Variants in C3orf20 observed in about 807,000 individuals in gnomAD.
C3orf20 encodes the protein family with sequence similarity 149 member C.
Under a neutral mutation model 88.3 loss-of-function variants are expected in C3orf20, and 76 were observed. The ratio of observed to expected loss-of-function variants is 0.86; its 90% confidence interval spans 0.72 to 1.04. The LOEUF is 1.04. Among genes scored for constraint, C3orf20 ranks in the 50% least tolerant of loss-of-function variants. C3orf20 has a pLI of 0.00. For synonymous variants in C3orf20, 436 were observed against 437.4 expected (o/e 1.00, Z 0.04); for missense variants, 1,056 against 1,123.3 (o/e 0.94, Z 0.86).
intron 1 of C3orf20, among the ~76,000 whole-genome samples, chr3:14,680,055 G>A (rs1163085955): frequency 2.0e-5 from 3 of 152,134 alleles, no homozygotes; most frequent in African/African-American, 7.2e-5. Context: ...TTCTCAAAAC[G>A]CCACTGGTGG....
At chr3:14,690,161 T>C (rs1182971201) in intron 5 of C3orf20, 45 bp downstream of exon 5, 1 of 1,612,460 alleles carries the variant, frequency 6.2e-7, no homozygotes, top group Admixed American at 1.7e-5. Context: ...GTGGTGGCGG[T>C]GGGGTGGGGG....
At chr3:14,705,850 G>GGC (rs2033478110) in intron 7 of C3orf20, among the ~76,000 whole-genome samples, 1 of 152,214 alleles carries the variant, frequency 6.6e-6, no homozygotes, top group African/African-American at 2.4e-5. Flanking sequence ...TGGTGTGACT[G>GGC]ACTGTATGCC....
chr3:14,697,891 TC>T (rs1369498385), intron 5 of C3orf20, among the ~76,000 whole-genome samples: 2 of 152,140 alleles, frequency 1.3e-5, no homozygotes, highest in African/African-American at 4.8e-5. Context: ...CATGAACTCA[TC>T]CTTTTTTATG....
At chr3:14,732,717 A>G (rs2034577955) in intron 12 of C3orf20, among the ~76,000 whole-genome samples, 1 of 152,256 alleles carries the variant, frequency 6.6e-6, no homozygotes, top group African/African-American at 2.4e-5. Context: ...GCTCCACATT[A>G]CAAAGAATTA....
At chr3:14,707,453 G>C (rs1378916688) in intron 7 of C3orf20, among the ~76,000 whole-genome samples, 1 of 135,862 alleles carries the variant, frequency 7.4e-6, no homozygotes, top group Non-Finnish European at 1.6e-5. Flanking sequence ...TCTTGTGTGT[G>C]TGTGTGTGTG....
chr3:14,741,154 A>G (rs2125009276), intron 12 of C3orf20, among the ~76,000 whole-genome samples: 1 of 152,314 alleles, frequency 6.6e-6, no homozygotes, highest in Non-Finnish European at 1.5e-5. Flanking sequence ...CTCTCATCCA[A>G]ACAAGGATTG....
intron 15 of C3orf20, among the ~76,000 whole-genome samples, chr3:14,762,395 A>G (rs1431505689): frequency 6.6e-6 from 1 of 152,184 alleles, no homozygotes; most frequent in Non-Finnish European, 1.5e-5. Context: ...AGAAGAATAC[A>G]TCCTAGTCCA....
intron 1 of C3orf20, among the ~76,000 whole-genome samples, chr3:14,678,625 T>G (rs888256811): frequency 2.0e-5 from 3 of 152,236 alleles, no homozygotes; most frequent in African/African-American, 7.2e-5. Flanking sequence ...TATAAATTTC[T>G]TATACATTTC....
At chr3:14,694,337 G>A (rs2124915295) in intron 5 of C3orf20, among the ~76,000 whole-genome samples, 1 of 152,208 alleles carries the variant, frequency 6.6e-6, no homozygotes, top group African/African-American at 2.4e-5. Flanking sequence ...TTTTCTGGGA[G>A]ACTTTTTATT....
rs1395121786 is a variant in C3orf20 at position 14,727,024 on chromosome 3, G to A, written c.1690G>A (p.Gly564Ser). The change falls in exon 11 of 17, where the codon GGT becomes AGT. Residue 564 changes from glycine (G) to serine (S), a missense_variant and splice_region_variant. Physicochemically the swap from Gly to Ser is moderately conservative, Grantham distance 56. Coordinates refer to ENST00000253697, the MANE Select transcript of C3orf20 (RefSeq NM_032137.5). Reference sequence around the variant, plus strand: ...CATTAATTCTATCTTGCTGGCCGCAGGTAAGGAGGCTGAAAGGTGGGCGAA... The same window carrying A: ...CATTAATTCTATCTTGCTGGCCGCAAGTAAGGAGGCTGAAAGGTGGGCGAA... ...QFINSILLAAGLFTIEYPTKK... is the reference protein window; with the variant it reads ...QFINSILLAASLFTIEYPTKK... 3 of 1,614,194 alleles carry A rather than the reference G, an allele frequency of 1.9e-6. No homozygotes were observed. Among genetic ancestry groups the A allele is most frequent in the South Asian group, 2.2e-5 (2 of 91,080 alleles).
At position 14,721,645 on chromosome 3, in the gene C3orf20, A is replaced by G; in HGVS notation, c.1435-8A>G. On this transcript the variant is annotated splice_region_variant and splice_polypyrimidine_tract_variant and intron_variant, in intron 9 of 16. Transcript: ENST00000253697. ...GGGATTCTCTGAGTACTGTTTCTTCATCTACAGGTGAATGAGGAAATGAAA... is the reference window on the plus strand; with the variant it reads ...GGGATTCTCTGAGTACTGTTTCTTCGTCTACAGGTGAATGAGGAAATGAAA... 4 of 1,613,978 alleles carry G rather than the reference A, an allele frequency of 2.5e-6. No individual in the cohort carries two copies. The highest frequency in any genetic ancestry group is 3.4e-6 in the Non-Finnish European group (4 of 1,179,912).
chr3:14,689,236 T>C (rs2032593395), intron 4 of C3orf20, among the ~76,000 whole-genome samples: 1 of 152,210 alleles, frequency 6.6e-6, no homozygotes, highest in Non-Finnish European at 1.5e-5. Flanking sequence ...AAAGTTGTCT[T>C]AATTTCAACT....
At chr3:14,706,056 G>C (rs2033488476) in intron 7 of C3orf20, among the ~76,000 whole-genome samples, 1 of 152,144 alleles carries the variant, frequency 6.6e-6, no homozygotes, top group Non-Finnish European at 1.5e-5. Context: ...CCCCTTTCTT[G>C]GAGGAGAGGA....
In C3orf20 at chr3:14,690,586, A is replaced by G. The variant is rs143413399; in HGVS notation, c.745+470A>G. 1.5e-3 allele frequency among the ~76,000 whole-genome samples: 227 copies of G among 152,350 alleles called. 1 individual carries two copies. Among genetic ancestry groups the G allele is most frequent in the Middle Eastern group, 3.4e-3 (1 of 294 alleles). ...GTTTTTATGGGCAGGAAACAAAGAC[A>G]TAGGAGATACTCCTATTCTACTGAG... On this transcript the variant is annotated intron_variant, in intron 5 of 16. Coordinates refer to ENST00000253697, the MANE Select transcript of C3orf20 (RefSeq NM_032137.5).
intron 12 of C3orf20, among the ~76,000 whole-genome samples, chr3:14,741,979 G>C (rs2125010318): frequency 6.6e-6 from 1 of 152,292 alleles, no homozygotes; most frequent in East Asian, 1.9e-4. Context: ...TGGCTCGCTG[G>C]TGGGCATGTC....
chr3:14,707,497 G>A (rs948632494), intron 7 of C3orf20, among the ~76,000 whole-genome samples: 2 of 146,788 alleles, frequency 1.4e-5, no homozygotes, highest in African/African-American at 5.0e-5. Context: ...GTGTGTTTTG[G>A]TGTATCTTCT....
chr3:14,739,626 TCTC>T (rs1470827011), intron 12 of C3orf20, among the ~76,000 whole-genome samples: 2 of 152,216 alleles, frequency 1.3e-5, no homozygotes, highest in Non-Finnish European at 2.9e-5. Flanking sequence ...GACATTGACT[TCTC>T]CTCTCTAGCT....
chr3:14,760,147 A>G, intron 14 of C3orf20, 149 bp downstream of exon 14: 1 of 681,892 alleles, frequency 1.5e-6, no homozygotes. Context: ...TGAGGCCCAG[A>G]GAGCAGGAAG....
intron 15 of C3orf20, chr3:14,767,258 G>A (rs7614428): frequency 0.38 from 57,501 of 152,202 alleles, 13,270 homozygotes; most frequent in Non-Finnish European, 0.53. Context: ...ATGGGGTGGT[G>A]GGGAGAGGAG....
Sources: allele counts gnomAD v4.1 joint callset (sites outside exome capture counted in the v4.1 genomes callset), GRCh38; gene constraint gnomAD v4.1.1; transcripts MANE v1.5; gene names NCBI Gene and HGNC (gene_info 2026-07-23, HGNC 2026-07-21).